SYNPR: variants seen among roughly 807,000 people sequenced by gnomAD.
SYNPR encodes the protein synaptoporin.
SYNPR carries 23 observed loss-of-function variants against 32.9 expected under a neutral mutation model. That is an observed-to-expected ratio of 0.70 (90% CI 0.50 to 0.99). SYNPR has a LOEUF of 0.99. Ranked by LOEUF, SYNPR falls within the 50% of genes least tolerant of loss-of-function variation. The pLI, the probability that SYNPR is intolerant of heterozygous loss-of-function variation, is 0.00. For missense variants in SYNPR, 318 were observed against 349.3 expected (o/e 0.91, Z 0.71); for synonymous variants, 146 against 135.9 (o/e 1.07, Z -0.52).
At chr3:63,383,067 C>T (rs1024308841) in intron 2 of SYNPR, among the ~76,000 whole-genome samples, 2 of 152,138 alleles carry the variant, frequency 1.3e-5, no homozygotes, top group African/African-American at 4.8e-5. Context: ...CTAGGAGATG[C>T]GAAACATTTA....
At chr3:63,371,899 A>G (rs2087817578) in intron 2 of SYNPR, among the ~76,000 whole-genome samples, 1 of 152,164 alleles carries the variant, frequency 6.6e-6, no homozygotes, top group Admixed American at 6.5e-5. Flanking sequence ...ATGGGGAAGG[A>G]ACAAAGGACC....
At chr3:63,256,560 C>G (rs1397376635) in intron 2 of SYNPR, among the ~76,000 whole-genome samples, 1 of 152,096 alleles carries the variant, frequency 6.6e-6, no homozygotes, top group African/African-American at 2.4e-5. Context: ...ACACCAAAAC[C>G]CCATCTGTAT....
At chr3:63,219,629 G>A in the SYNPR span, among the ~76,000 whole-genome samples, 1 of 152,120 alleles carries the variant, frequency 6.6e-6, no homozygotes, top group Non-Finnish European at 1.5e-5. Context: ...TGCATTTTAT[G>A]TATGGTATAT....
At chr3:63,406,168 T>G (rs930480417) in intron 2 of SYNPR, among the ~76,000 whole-genome samples, 1 of 151,790 alleles carries the variant, frequency 6.6e-6, no homozygotes, top group African/African-American at 2.4e-5. Context: ...GAGGATAACA[T>G]TCAAGTCTTG....
intron 2 of SYNPR, among the ~76,000 whole-genome samples, chr3:63,291,292 C>T (rs116124831): frequency 0.017 from 2,535 of 152,134 alleles, 41 homozygotes; most frequent in South Asian, 0.029. Flanking sequence ...CTTTCTGCCT[C>T]TCAATTTCTT....
intron 2 of SYNPR, among the ~76,000 whole-genome samples, chr3:63,469,930 G>GA (rs5849557): frequency 0.25 from 38,655 of 152,146 alleles, 6,114 homozygotes; most frequent in African/African-American, 0.45. Context: ...AAACGAAAGT[G>GA]AAAACAGCAC....
At chr3:63,499,954 A>G (rs1448355783) in intron 3 of SYNPR, among the ~76,000 whole-genome samples, 2 of 152,128 alleles carry the variant, frequency 1.3e-5, no homozygotes, top group Non-Finnish European at 2.9e-5. Flanking sequence ...ATGGAAGGCT[A>G]AAGGTGTTAA....
chr3:63,549,813 A>G (rs1325837909), intron 3 of SYNPR, among the ~76,000 whole-genome samples: 2 of 152,166 alleles, frequency 1.3e-5, no homozygotes. Context: ...ACTCCATTTA[A>G]ACATTGGTAC....
At chr3:63,595,112 G>T (rs1699910712) in intron 4 of SYNPR, among the ~76,000 whole-genome samples, 1 of 152,138 alleles carries the variant, frequency 6.6e-6, no homozygotes, top group Non-Finnish European at 1.5e-5. Flanking sequence ...CAAATGAAGT[G>T]GCTGCTACCC....
intron 3 of SYNPR, among the ~76,000 whole-genome samples, chr3:63,516,561 A>G (rs1209977085): frequency 1.3e-5 from 2 of 152,108 alleles, no homozygotes; most frequent in East Asian, 3.9e-4. Flanking sequence ...CCTCTCAACA[A>G]CCTTGTAAGA....
upstream of SYNPR, among the ~76,000 whole-genome samples, chr3:63,276,832 G>A (rs746457346): frequency 2.0e-5 from 3 of 151,906 alleles, no homozygotes; most frequent in Non-Finnish European, 2.9e-5. Context: ...ACTAGAAGCT[G>A]CCTCCCCCTC....
intron 2 of SYNPR, among the ~76,000 whole-genome samples, chr3:63,279,580 T>C (rs1281515099): frequency 6.6e-6 from 1 of 152,172 alleles, no homozygotes; most frequent in African/African-American, 2.4e-5. Context: ...TTATTCAGAA[T>C]GAAATCTGCA....
chr3:63,402,559 A>T (rs1053774271), intron 2 of SYNPR, among the ~76,000 whole-genome samples: 1 of 152,194 alleles, frequency 6.6e-6, no homozygotes, highest in African/African-American at 2.4e-5. Flanking sequence ...CTTAAGAGGA[A>T]AAAAGGCCAG....
intron 2 of SYNPR, among the ~76,000 whole-genome samples, chr3:63,381,221 C>A (rs2087963976): frequency 6.6e-6 from 1 of 152,174 alleles, no homozygotes; most frequent in Non-Finnish European, 1.5e-5. Flanking sequence ...GATACAAAAT[C>A]AATGTACAAA....
At chr3:63,385,770 G>A (rs1035473282) in intron 2 of SYNPR, among the ~76,000 whole-genome samples, 2 of 152,182 alleles carry the variant, frequency 1.3e-5, no homozygotes, top group Admixed American at 1.3e-4. Context: ...GGTTACATAT[G>A]TGAGGAAACA....
chr3:63,570,218 G>T (rs1702861960), intron 4 of SYNPR, among the ~76,000 whole-genome samples: 3 of 152,124 alleles, frequency 2.0e-5, no homozygotes, highest in Non-Finnish European at 4.4e-5. Flanking sequence ...CAGGGCGGGT[G>T]AGGGGGCCAG....
At chr3:63,248,915 T>C (rs986457438) in intron 1 of SYNPR, among the ~76,000 whole-genome samples, 3 of 151,694 alleles carry the variant, frequency 2.0e-5, no homozygotes, top group African/African-American at 4.8e-5. Flanking sequence ...CAACGCATAA[T>C]TGTTAGCTCT....
At chr3:63,357,870 C>T (rs2087604111) in intron 2 of SYNPR, among the ~76,000 whole-genome samples, 2 of 152,202 alleles carry the variant, frequency 1.3e-5, no homozygotes, top group African/African-American at 4.8e-5. Context: ...GGCAACCTGA[C>T]ATCTCCATTC....
At chr3:63,401,967 CAA>C (rs1222793460) in intron 2 of SYNPR, among the ~76,000 whole-genome samples, 1 of 152,140 alleles carries the variant, frequency 6.6e-6, no homozygotes, top group Non-Finnish European at 1.5e-5. Context: ...ACCTAGAGAA[CAA>C]AGTCTTCTCC....
Sources: allele counts gnomAD v4.1 joint callset (sites outside exome capture counted in the v4.1 genomes callset), GRCh38; gene constraint gnomAD v4.1.1; transcripts MANE v1.5; gene names NCBI Gene and HGNC (gene_info 2026-07-23, HGNC 2026-07-21).